Variants in LEKR1 observed in about 807,000 individuals in gnomAD.
LEKR1 encodes protein LEKR1.
A neutral mutation model predicts 72.4 loss-of-function variants in LEKR1; 59 were observed. The observed-to-expected ratio is 0.82, with a 90% CI of 0.66 to 1.01. The LOEUF is 1.01. Among genes scored for constraint, LEKR1 ranks in the 50% least tolerant of loss-of-function variants. The pLI is 0.00. For missense variants in LEKR1, 728 were observed against 759.2 expected (o/e 0.96, Z 0.48); for synonymous variants, 257 against 263.2 (o/e 0.98, Z 0.23).
intron 9 of LEKR1, among the ~76,000 whole-genome samples, chr3:157,004,622 C>T (rs1732271788): frequency 6.6e-6 from 1 of 152,092 alleles, no homozygotes; most frequent in Admixed American, 6.5e-5. Context: ...ATACAGTGTA[C>T]TGTATGTTCT....
chr3:156,896,178 AAC>A (rs1721161406), intron 3 of LEKR1, among the ~76,000 whole-genome samples: 1 of 152,136 alleles, frequency 6.6e-6, no homozygotes, highest in Non-Finnish European at 1.5e-5. Context: ...GGGGGGAAAG[AAC>A]ACACACTGGG....
chr3:156,955,815 T>C (rs1727575903), intron 6 of LEKR1, among the ~76,000 whole-genome samples: 1 of 150,928 alleles, frequency 6.6e-6, no homozygotes, highest in African/African-American at 2.4e-5. Flanking sequence ...TTCTTTTTGT[T>C]GTTGTTGTTG....
In LEKR1 at chr3:156,826,356, C is replaced by G. The variant is rs1006766135; in HGVS notation, c.-65C>G. ...GGGAGACCGGGAAAGCCGTTTCACACCCGTCCTAGTCGAAGTCGAGGTGAG... is the reference window on the plus strand; with the variant it reads ...GGGAGACCGGGAAAGCCGTTTCACAGCCGTCCTAGTCGAAGTCGAGGTGAG... On this transcript the variant is annotated 5_prime_UTR_variant, in exon 1 of 13. Coordinates refer to ENST00000356539, the MANE Select transcript of LEKR1 (RefSeq NM_001004316.3). The G allele has an allele frequency of 6.5e-6, 1 of 152,784 alleles. No homozygotes were observed. Among genetic ancestry groups the G allele is most frequent in the Admixed American group, 6.5e-5 (1 of 15,288 alleles). The allele number at this position is 152,784 out of a possible 1,614,324, so 9.5% of individuals were successfully genotyped here. A position where few individuals can be genotyped will look rare whatever the true frequency, so the allele number is the denominator to read the frequency against.
At chr3:156,890,194 T>C (rs991186897) in intron 3 of LEKR1, among the ~76,000 whole-genome samples, 4 of 152,224 alleles carry the variant, frequency 2.6e-5, no homozygotes, top group South Asian at 4.1e-4. Context: ...ATAAAAGTTT[T>C]CTTAACTTTA....
intron 7 of LEKR1, among the ~76,000 whole-genome samples, chr3:156,981,740 G>C (rs949240222): frequency 2.0e-5 from 3 of 152,220 alleles, no homozygotes; most frequent in Admixed American, 2.0e-4. Flanking sequence ...GGTGAGGCTA[G>C]AGTCAAATGT....
chr3:156,875,397 T>C (rs1191669575), intron 3 of LEKR1, among the ~76,000 whole-genome samples: 1 of 152,180 alleles, frequency 6.6e-6, no homozygotes, highest in Admixed American at 6.5e-5. Context: ...GCTGATTTGT[T>C]TGAATTTCTT....
intron 2 of LEKR1, among the ~76,000 whole-genome samples, chr3:156,845,251 C>A (rs552415870): frequency 1.3e-5 from 2 of 151,546 alleles, no homozygotes; most frequent in Non-Finnish European, 2.9e-5. Flanking sequence ...TAGTAAGATA[C>A]GTGGTTTTCA....
At chr3:157,039,822 T>C (rs1236201738) in intron 12 of LEKR1, among the ~76,000 whole-genome samples, 1 of 152,354 alleles carries the variant, frequency 6.6e-6, no homozygotes, top group East Asian at 1.9e-4. Context: ...TCTCTGGTAA[T>C]TCCTTCTATG....
At chr3:156,846,797 ATATGTATG>A (rs571735149) in intron 2 of LEKR1, among the ~76,000 whole-genome samples, 1 of 152,002 alleles carries the variant, frequency 6.6e-6, no homozygotes, top group African/African-American at 2.4e-5. Context: ...AGGCACAATT[ATATGTATG>A]TATGTATGTA....
At chr3:156,943,873 A>T (rs1485124769) in intron 6 of LEKR1, among the ~76,000 whole-genome samples, 4 of 151,868 alleles carry the variant, frequency 2.6e-5, no homozygotes, top group African/African-American at 9.7e-5. Flanking sequence ...TTAAAATCAG[A>T]TAAAATTTAA....
intron 6 of LEKR1, among the ~76,000 whole-genome samples, chr3:156,970,168 C>T (rs1350337749): frequency 6.6e-6 from 1 of 152,160 alleles, no homozygotes; most frequent in Non-Finnish European, 1.5e-5. Flanking sequence ...CAATATCATG[C>T]TGAATGGGCA....
chr3:157,039,625 C>A (rs1011799084), intron 12 of LEKR1, among the ~76,000 whole-genome samples: 7 of 151,914 alleles, frequency 4.6e-5, no homozygotes, highest in African/African-American at 1.7e-4. Context: ...TCTCAAAAAA[C>A]GAAAAGAAAA....
chr3:156,952,589 G>A (rs1258432500), intron 6 of LEKR1, among the ~76,000 whole-genome samples: 2 of 151,328 alleles, frequency 1.3e-5, no homozygotes, highest in Admixed American at 6.6e-5. Flanking sequence ...GGTTGGTGAG[G>A]CACTCTAATA....
Position 157,028,226 on chromosome 3 carries a change from G to GA in LEKR1, c.1496dup (p.Asn499LysfsTer3). On this transcript the variant is annotated frameshift_variant, in exon 12 of 13. Transcript: ENST00000356539. LOFTEE classifies it high-confidence loss of function. ...ATCTAATTCAAAGGAAAAAGAAATT[G>GA]AAAATCTTAAAAATTTGGTTGCAGA... 6.2e-7 allele frequency: 1 copy of GA among 1,613,330 alleles called. No homozygotes were observed. Among genetic ancestry groups the GA allele is most frequent in the Non-Finnish European group, 8.5e-7 (1 of 1,179,554 alleles).
At chr3:156,992,410 G>C (rs983227234) in intron 7 of LEKR1, among the ~76,000 whole-genome samples, 3 of 151,958 alleles carry the variant, frequency 2.0e-5, no homozygotes, top group African/African-American at 7.2e-5. Context: ...TTTGGGTTTT[G>C]GTTTTGTTTA....
At chr3:156,914,642 G>A (rs1723427013) in intron 3 of LEKR1, among the ~76,000 whole-genome samples, 1 of 152,100 alleles carries the variant, frequency 6.6e-6, no homozygotes, top group African/African-American at 2.4e-5. Flanking sequence ...TTTTAATTGA[G>A]TTTCATGCAA....
chr3:156,920,558 T>C lies in LEKR1; in HGVS notation c.264-17T>C, dbSNP rs1203898870. 3 of 1,418,320 alleles carry C rather than the reference T, an allele frequency of 2.1e-6. No homozygotes were observed. The highest frequency in any genetic ancestry group is 1.9e-6 in the Non-Finnish European group (2 of 1,054,634). The allele number at this position is 1,418,320 out of a possible 1,614,324, so 87.9% of individuals were successfully genotyped here. ...CATATGAGAGAATACTTAAGGAATG[T>C]TTGTTTATATTTTTAGAATTTACGA... On this transcript the variant is annotated splice_polypyrimidine_tract_variant and intron_variant, in intron 3 of 12. Coordinates refer to ENST00000356539, the MANE Select transcript of LEKR1 (RefSeq NM_001004316.3).
chr3:157,027,515 T>G (rs1734278465), intron 11 of LEKR1, among the ~76,000 whole-genome samples: 1 of 152,096 alleles, frequency 6.6e-6, no homozygotes, highest in South Asian at 2.1e-4. Flanking sequence ...CCTGATCTAC[T>G]TGTCAAGACT....
chr3:156,895,652 A>G (rs1032876426), intron 3 of LEKR1, among the ~76,000 whole-genome samples: 3 of 152,066 alleles, frequency 2.0e-5, no homozygotes, highest in African/African-American at 4.8e-5. Context: ...AATAAACACC[A>G]CAGTGAGATA....
Sources: gnomAD v4.1 joint callset for allele counts (sites outside exome capture counted in the v4.1 genomes callset) on GRCh38, gnomAD v4.1.1 for gene constraint, MANE v1.5 for transcripts, NCBI Gene and HGNC (gene_info 2026-07-23, HGNC 2026-07-21) for gene names.